The following ARHGEF28 variants were observed in gnomAD, a reference collection of about 807,000 sequenced individuals.
ARHGEF28 encodes the protein Rho guanine nucleotide exchange factor 28.
A neutral mutation model predicts 206.6 loss-of-function variants in ARHGEF28; 152 were observed. That is an observed-to-expected ratio of 0.74 (90% confidence interval 0.64 to 0.84). The LOEUF is 0.84. Among genes scored for constraint, ARHGEF28 ranks in the 40% least tolerant of loss-of-function variants. The pLI is 0.00. For synonymous variants in ARHGEF28, 763 were observed against 776.4 expected (o/e 0.98, Z 0.29); for missense variants, 2,028 against 2,073.2 (o/e 0.98, Z 0.42).
At chr5:73,925,081 G>T (rs901267860) in intron 35 of ARHGEF28, among the ~76,000 whole-genome samples, 2 of 152,100 alleles carry the variant, frequency 1.3e-5, no homozygotes, top group African/African-American at 4.8e-5. Flanking sequence ...GCTTTGTTTA[G>T]CCCCCAGGCC....
intron 9 of ARHGEF28, among the ~76,000 whole-genome samples, chr5:73,811,720 C>T (rs1401361418): frequency 6.6e-6 from 1 of 152,204 alleles, no homozygotes; most frequent in Admixed American, 6.5e-5. Context: ...CATGGTGGCT[C>T]ACGCCTGTAA....
chr5:73,748,395 G>A (rs921638809), intron 2 of ARHGEF28, among the ~76,000 whole-genome samples: 5 of 151,962 alleles, frequency 3.3e-5, no homozygotes, highest in African/African-American at 4.8e-5. Flanking sequence ...CATAATTTCC[G>A]ATAACTGTGT....
chr5:73,819,256 G>T (rs550202363), intron 9 of ARHGEF28, among the ~76,000 whole-genome samples: 3 of 152,336 alleles, frequency 2.0e-5, no homozygotes, highest in South Asian at 4.1e-4. Flanking sequence ...TTAGTTTTGC[G>T]TGCTTAGTAC....
chr5:73,664,438 T>G (rs765293755), intron 1 of ARHGEF28, among the ~76,000 whole-genome samples: 1 of 152,224 alleles, frequency 6.6e-6, no homozygotes, highest in Non-Finnish European at 1.5e-5. Flanking sequence ...TCTGTCACTT[T>G]CTTGTTGTGT....
intron 4 of ARHGEF28, among the ~76,000 whole-genome samples, chr5:73,757,914 A>G (rs940467803): frequency 6.6e-6 from 1 of 152,190 alleles, no homozygotes; most frequent in African/African-American, 2.4e-5. Context: ...TTTTTTGAGC[A>G]GAAATCTTTT....
intron 35 of ARHGEF28, among the ~76,000 whole-genome samples, chr5:73,926,855 T>C (rs957020264): frequency 1.3e-5 from 2 of 152,218 alleles, no homozygotes; most frequent in Admixed American, 6.5e-5. Flanking sequence ...ATAGGCTTCT[T>C]AAGGGACACG....
At position 73,885,995 on chromosome 5, in the gene ARHGEF28, G is replaced by A. The variant is rs769074711; in HGVS notation, c.3201G>A (p.Thr1067=). ...ATAAGATTGAAAACAAAACATACAC[G>A]AAGCTCAAAAATGGACATGTGTTTA... ...ILNKIENKTY[T]KLKNGHVFRK... The change falls in exon 25 of 36, where the codon ACG becomes ACA. Residue 1067 remains threonine (T), a synonymous_variant. Transcript: ENST00000513042. The A allele has an allele frequency of 9.3e-6, 15 of 1,613,672 alleles. No homozygotes were observed. In the South Asian group the frequency reaches 9.9e-5, roughly 11 times the overall value.
chr5:73,697,581 T>C (rs1371787160), intron 2 of ARHGEF28, among the ~76,000 whole-genome samples: 1 of 152,088 alleles, frequency 6.6e-6, no homozygotes, highest in African/African-American at 2.4e-5. Context: ...TCTCTCTCCC[T>C]CTTCTTACAG....
intron 2 of ARHGEF28, among the ~76,000 whole-genome samples, chr5:73,719,300 A>G (rs1008373791): frequency 2.0e-5 from 3 of 152,044 alleles, no homozygotes; most frequent in Non-Finnish European, 4.4e-5. Context: ...AGTCTCAGCT[A>G]CTTGGGAGGC....
chr5:73,690,740 C>T (rs939488530), intron 2 of ARHGEF28, among the ~76,000 whole-genome samples: 1 of 152,012 alleles, frequency 6.6e-6, no homozygotes, highest in African/African-American at 2.4e-5. Flanking sequence ...TAATGCTAGT[C>T]TTTCTGAAAT....
intron 1 of ARHGEF28, among the ~76,000 whole-genome samples, chr5:73,626,559 G>C (rs943316768): frequency 2.6e-5 from 4 of 152,118 alleles, no homozygotes; most frequent in African/African-American, 7.2e-5. Flanking sequence ...GTGCGGCGGC[G>C]GCAGCTGCGG....
intron 9 of ARHGEF28, among the ~76,000 whole-genome samples, chr5:73,802,052 T>C (rs1755168287): frequency 6.6e-6 from 1 of 152,158 alleles, no homozygotes; most frequent in African/African-American, 2.4e-5. Flanking sequence ...TACTTTTATC[T>C]CAACTGATTA....
chr5:73,873,279 A>G (rs373645181), intron 22 of ARHGEF28, 33 bp downstream of exon 22: 4 of 1,568,858 alleles, frequency 2.5e-6, no homozygotes, highest in Admixed American at 1.9e-5. Context: ...GACCTTTATG[A>G]CGTAAGTGGG....
At chr5:73,859,371 G>A (rs1759247170) in intron 16 of ARHGEF28, among the ~76,000 whole-genome samples, 1 of 152,194 alleles carries the variant, frequency 6.6e-6, no homozygotes, top group African/African-American at 2.4e-5. Flanking sequence ...TGGGATGGGA[G>A]CACAAAGGGA....
chr5:73,808,254 G>T (rs1489031017), intron 9 of ARHGEF28, among the ~76,000 whole-genome samples: 3 of 151,958 alleles, frequency 2.0e-5, no homozygotes, highest in African/African-American at 4.8e-5. Flanking sequence ...AGTGCTGGGG[G>T]TTGGGGGAGG....
At chr5:73,878,206 G>A (rs1760660817) in intron 22 of ARHGEF28, among the ~76,000 whole-genome samples, 1 of 149,946 alleles carries the variant, frequency 6.7e-6, no homozygotes, top group Non-Finnish European at 1.5e-5. Flanking sequence ...TTTGATCTTT[G>A]TTGGTTTAAA....
chr5:73,815,190 G>GTGTA (rs1204845184), intron 9 of ARHGEF28, among the ~76,000 whole-genome samples: 6,486 of 148,504 alleles, frequency 0.044, 226 homozygotes, highest in African/African-American at 0.093. Context: ...GATTCAGGGG[G>GTGTA]TATATATATA....
chr5:73,880,099 T>G (rs1760815265), intron 22 of ARHGEF28, among the ~76,000 whole-genome samples: 1 of 152,218 alleles, frequency 6.6e-6, no homozygotes, highest in Non-Finnish European at 1.5e-5. Flanking sequence ...GCTTCCCCGC[T>G]GCTTTGTTTA....
chr5:73,892,347 C>CCCCTGCA lies in ARHGEF28; in HGVS notation c.3566+120_3566+126dup, dbSNP rs71813982. ...TCTGCCAGAATGGTCTGCCCCCTGCCCCCTGCACCTGCCTGCGATAGCCCC... is the reference window on the plus strand; with the variant it reads ...TCTGCCAGAATGGTCTGCCCCCTGCCCCCTGCACCCTGCACCTGCCTGCGATAGCCCC... On this transcript the variant is annotated intron_variant, in intron 27 of 35. Coordinates refer to ENST00000513042, the MANE Select transcript of ARHGEF28 (RefSeq NM_001177693.2). 3.1e-3 allele frequency: 3,622 copies of CCCCTGCA among 1,150,574 alleles called. 86 individuals are homozygous for CCCCTGCA. In the African/African-American group the frequency reaches 0.046, roughly 15 times the overall value. The allele number at this position is 1,150,574 out of a possible 1,614,324, so 71.3% of individuals were successfully genotyped here. A position where few individuals can be genotyped will look rare whatever the true frequency, so the allele number is the denominator to read the frequency against.
Sources: allele counts gnomAD v4.1 joint callset (sites outside exome capture counted in the v4.1 genomes callset), GRCh38; gene constraint gnomAD v4.1.1; transcripts MANE v1.5; gene names NCBI Gene and HGNC (gene_info 2026-07-23, HGNC 2026-07-21).